The following AKT1 variants were observed in gnomAD, a reference collection of about 807,000 sequenced individuals.
AKT1 encodes AKT serine/threonine kinase 1.
AKT1 carries 21 observed loss-of-function variants against 63.1 expected under a neutral mutation model. The ratio of observed to expected loss-of-function variants is 0.33; its 90% CI spans 0.24 to 0.48. The LOEUF is 0.48. AKT1 is among the 20% of genes least tolerant of loss of function. The pLI is 0.99. For missense variants in AKT1, 382 were observed against 666.0 expected, an observed-to-expected ratio of 0.57 and a Z score of 4.69; for synonymous variants, 257 against 253.1, an observed-to-expected ratio of 1.02 and a Z score of -0.15.
At chr14:104,772,493 C>T (rs1302542153) in intron 12 of AKT1, 41 bp from the exon 13 acceptor site, 1 of 1,591,088 alleles carries the variant, frequency 6.3e-7, no homozygotes, top group Non-Finnish European at 8.6e-7. Context: ...GTACCGCCAC[C>T]TGCCCAGGCC....
chr14:104,781,524 A>G (rs1893039982), intron 3 of AKT1, among the ~76,000 whole-genome samples: 1 of 152,124 alleles, frequency 6.6e-6, no homozygotes, highest in African/African-American at 2.4e-5. Flanking sequence ...CTTTCCAGGG[A>G]GCCACGGGGG....
In AKT1 at chr14:104,795,712, G is replaced by GGGCCAGCCGCCTGCCGCGCTC. The variant is rs1314760703; in HGVS notation, c.-507_-487dup. ...GTCTTCGGGCCGCGCTGCGTGCGCTGGGCCAGCCGCCTGCCGCGCTCGGTC... is the reference window on the plus strand; with the variant it reads ...GTCTTCGGGCCGCGCTGCGTGCGCTGGGCCAGCCGCCTGCCGCGCTCGGCCAGCCGCCTGCCGCGCTCGGTC... On this transcript the variant is annotated 5_prime_UTR_variant, in exon 1 of 15. Transcript: ENST00000649815. The surrounding 1 kb of genome is among the most constrained non-coding windows in gnomAD (Gnocchi z 5.1). 1 of 146,420 alleles carries GGGCCAGCCGCCTGCCGCGCTC rather than the reference G, an allele frequency of 6.8e-6. No individual in the cohort carries two copies. The highest frequency in any genetic ancestry group is 2.5e-5 in the African/African-American group (1 of 40,640). 9.1% of individuals were successfully genotyped at this position (146,420 alleles called of 1,614,324 possible). A position where few individuals can be genotyped will look rare whatever the true frequency, so the allele number is the denominator to read the frequency against.
At position 104,773,631 on chromosome 14, in the gene AKT1, A is replaced by T. The variant is rs536885193; in HGVS notation, c.703-51T>A. On this transcript the variant is annotated intron_variant, in intron 9 of 14. Coordinates refer to ENST00000649815, the MANE Select transcript of AKT1 (RefSeq NM_001382430.1). The stretch of plus-strand genomic sequence containing the variant: ...AGCCGTGGCTCGGGCCTCTGCCCCC[A>T]TGGCCTGCAGGGCTGGGGTTTCTCA... 3.2e-6 allele frequency: 5 copies of T among 1,566,198 alleles called. No individual in the cohort carries two copies. In the East Asian group the frequency reaches 1.2e-4, roughly 36 times the overall value.
intron 14 of AKT1, 47 bp downstream of exon 14, chr14:104,770,698 G>T: frequency 6.6e-7 from 1 of 1,511,954 alleles, no homozygotes; most frequent in Non-Finnish European, 9.2e-7. Context: ...GCCTCTCTGA[G>T]TGTGGAGAGA....
At chr14:104,776,399 G>A (rs1566818683) in intron 5 of AKT1, 2 of 397,140 alleles carry the variant, frequency 5.0e-6, no homozygotes, top group East Asian at 4.6e-5. Flanking sequence ...TGCGCACCTC[G>A]GCCTCCCAAA....
At chr14:104,771,378 A>T (rs1334440729) in intron 13 of AKT1, 1 of 231,938 alleles carries the variant, frequency 4.3e-6, no homozygotes, top group Non-Finnish European at 8.5e-6. Context: ...ACACGTGAGG[A>T]GCTGCCAGAG....
chr14:104,791,436 G>A (rs377431194), intron 3 of AKT1, among the ~76,000 whole-genome samples: 15 of 152,116 alleles, frequency 9.9e-5, no homozygotes, highest in African/African-American at 2.7e-4. Context: ...GACCACAGGC[G>A]TCTGCAGCCT....
intron 3 of AKT1, among the ~76,000 whole-genome samples, chr14:104,790,576 G>C (rs2494745): frequency 0.82 from 125,390 of 152,244 alleles, 52,968 homozygotes; most frequent in Non-Finnish European, 0.92. Flanking sequence ...CCTCCGCAAG[G>C]AGCGGCCGGC....
At position 104,775,735 on chromosome 14, in the gene AKT1, TCTC is replaced by T. The variant is rs768025881; in HGVS notation, c.349_351del (p.Glu117del). 8.1e-6 allele frequency: 13 copies of T among 1,613,688 alleles called. No homozygotes were observed. The highest frequency in any genetic ancestry group is 5.3e-5 in the African/African-American group (4 of 74,848). ...CTGGGTGAGCCCGACCGGAAGTCCA[TCTC>T]CTCCTCCTCCTGCTTCTTGAGGCCG... On this transcript the variant is annotated inframe_deletion, in exon 6 of 15. Coordinates refer to ENST00000649815, the MANE Select transcript of AKT1 (RefSeq NM_001382430.1).
intron 1 of AKT1, chr14:104,794,174 G>C (rs1893768035): frequency 1.3e-5 from 2 of 152,456 alleles, no homozygotes; most frequent in Non-Finnish European, 2.9e-5. Flanking sequence ...CCAGACTCGA[G>C]GAAGGCACCG....
chr14:104,789,716 G>A lies in AKT1; in HGVS notation c.46+2882C>T, dbSNP rs373755093. Among the ~76,000 whole-genome samples the A allele has an allele frequency of 3.7e-3, 571 of 152,322 alleles. 5 individuals carry two copies. The highest frequency in any genetic ancestry group is 0.013 in the African/African-American group (551 of 41,556). On this transcript the variant is annotated intron_variant, in intron 3 of 14. Coordinates refer to ENST00000649815, the MANE Select transcript of AKT1 (RefSeq NM_001382430.1). ...GCTGGGCTGCTTATCCAGTGAGACA[G>A]CCGAAACAGGAGGGGACATCTGGCC...
rs1422002741 is a variant in AKT1 at position 104,770,045 on chromosome 14, G to A, written c.*296C>T. 5.9e-6 allele frequency: 3 copies of A among 510,888 alleles called. No homozygotes were observed. The highest frequency in any genetic ancestry group is 1.1e-5 in the Non-Finnish European group (3 of 281,362). 31.6% of individuals were successfully genotyped at this position (510,888 alleles called of 1,614,324 possible). On this transcript the variant is annotated 3_prime_UTR_variant, in exon 15 of 15. Transcript: ENST00000649815. ...GCCCCCCAATGCCACATTGCGCATA[G>A]CTGCAGAAGTCCTTAACATTTCCCT...
intron 3 of AKT1, among the ~76,000 whole-genome samples, chr14:104,790,691 G>A (rs1001428587): frequency 6.6e-6 from 1 of 152,208 alleles, no homozygotes; most frequent in Non-Finnish European, 1.5e-5. Flanking sequence ...CACTACACTG[G>A]GGATGGAGGA....
intron 3 of AKT1, among the ~76,000 whole-genome samples, chr14:104,782,033 TGCACATACAC>T (rs920148643): frequency 6.6e-6 from 1 of 152,156 alleles, no homozygotes; most frequent in Non-Finnish European, 1.5e-5. Context: ...CCCCCGAGTG[TGCACATACAC>T]GCACATACGT....
At chr14:104,778,912 A>G (rs1156760266) in intron 4 of AKT1, among the ~76,000 whole-genome samples, 5 of 152,152 alleles carry the variant, frequency 3.3e-5, no homozygotes, top group Non-Finnish European at 7.4e-5. Context: ...CCTGCCTGAG[A>G]CAGATCCCAG....
chr14:104,773,787 A>AC, intron 9 of AKT1, 125 bp downstream of exon 9: 1 of 1,209,928 alleles, frequency 8.3e-7, no homozygotes, highest in Non-Finnish European at 1.2e-6. Flanking sequence ...CAGGCATCAC[A>AC]CCACCCACCC....
rs1056883269 is a variant in AKT1, at chr14:104,788,175, G to T, written c.46+4423C>A. On this transcript the variant is annotated intron_variant, in intron 3 of 14. Coordinates refer to ENST00000649815, the MANE Select transcript of AKT1 (RefSeq NM_001382430.1). ...GCAGAGCTTGGCACTAACCAGCCCA[G>T]GGCCCGCGGGTCTCACACTGAAGCC... Among the ~76,000 whole-genome samples the T allele has an allele frequency of 5.9e-5, 9 of 152,330 alleles. No homozygotes were observed. In the East Asian group the frequency reaches 1.7e-3, roughly 29 times the overall value.
intron 13 of AKT1, 187 bp from the exon 14 acceptor site, chr14:104,771,034 C>CA (rs1160261284): frequency 4.8e-5 from 29 of 598,652 alleles, no homozygotes; most frequent in Non-Finnish European, 8.0e-5. Context: ...ATGAGGGGTG[C>CA]AGGAGCACGG....
At chr14:104,771,644 G>A (rs1213790877) in intron 13 of AKT1, 2 of 233,260 alleles carry the variant, frequency 8.6e-6, no homozygotes, top group Non-Finnish European at 1.7e-5. Context: ...TCCCAGGGCT[G>A]CCCAGCCCGA....
Sources: gnomAD v4.1 joint callset for allele counts (sites outside exome capture counted in the v4.1 genomes callset) on GRCh38, gnomAD v4.1.1 for gene constraint, Gnocchi (gnomAD v3.1) non-coding constraint, MANE v1.5 for transcripts, NCBI Gene and HGNC (gene_info 2026-07-23, HGNC 2026-07-21) for gene names.